Variants in CPVL observed in about 807,000 individuals in gnomAD.
CPVL encodes the protein probable serine carboxypeptidase CPVL.
CPVL carries 51 observed loss-of-function variants against 63.7 expected under a neutral mutation model. The observed-to-expected ratio is 0.80, with a 90% CI of 0.64 to 1.01. The LOEUF is 1.01. CPVL is among the 50% of genes least tolerant of loss of function. The probability of loss-of-function intolerance (pLI) is 0.00; values close to 1 mark genes in which losing one functional copy is unlikely to be tolerated. For synonymous variants in CPVL, 195 were observed against 206.0 expected (o/e 0.95, Z 0.46); for missense variants, 530 against 573.1 (o/e 0.92, Z 0.77).
intron 5 of CPVL, among the ~76,000 whole-genome samples, chr7:29,174,848 CAAAACTCCATCTAAAAAAAAA>C (rs747715796): frequency 9.8e-5 from 11 of 112,100 alleles, no homozygotes; most frequent in Non-Finnish European, 1.3e-4. Context: ...CAAAAAAGAG[CAAAACTCCATCTAAAAAAAAA>C]AAAAAAAGAA....
intron 12 of CPVL, among the ~76,000 whole-genome samples, chr7:29,003,747 T>G (rs1719570): frequency 0.84 from 127,670 of 152,066 alleles, 54,298 homozygotes; most frequent in African/African-American, 0.95. Flanking sequence ...CCATGCACAG[T>G]GTTGGGGAGT....
chr7:29,163,679 C>T (rs1795507362), intron 5 of CPVL, among the ~76,000 whole-genome samples: 1 of 152,114 alleles, frequency 6.6e-6, no homozygotes, highest in South Asian at 2.1e-4. Context: ...TCTCATTGCC[C>T]CCAAAAGTTT....
At chr7:29,106,322 G>A (rs1480941541) in intron 3 of CPVL, among the ~76,000 whole-genome samples, 1 of 152,114 alleles carries the variant, frequency 6.6e-6, no homozygotes, top group Non-Finnish European at 1.5e-5. Context: ...TCACCGGCAA[G>A]GCCTAGGGTA....
At position 29,069,710 on chromosome 7, in the gene CPVL, T is replaced by C. The variant is rs181817191; in HGVS notation, c.864+2063A>G. On this transcript the variant is annotated intron_variant, in intron 9 of 12. Transcript: ENST00000265394. ...CTCAGCCTGCCACAATCTATTTGTG[T>C]ATCCTTCGGCAATTCATTGCTATCC... 3.8e-3 allele frequency among the ~76,000 whole-genome samples: 584 copies of C among 152,100 alleles called. 4 individuals carry two copies. Among genetic ancestry groups the C allele is most frequent in the African/African-American group, 0.013 (555 of 41,488 alleles).
At chr7:29,017,385 G>A (rs772494530) in intron 12 of CPVL, among the ~76,000 whole-genome samples, 12 of 152,234 alleles carry the variant, frequency 7.9e-5, no homozygotes, top group Non-Finnish European at 1.8e-4. Context: ...TGTAATCCCA[G>A]CACTTTGGGA....
At chr7:29,100,571 C>T (rs1370349856) in intron 3 of CPVL, among the ~76,000 whole-genome samples, 1 of 152,180 alleles carries the variant, frequency 6.6e-6, no homozygotes, top group African/African-American at 2.4e-5. Context: ...ATGAACCGGA[C>T]CTCTGGACTC....
chr7:29,153,717 G>A (rs1300791238), intron 5 of CPVL, among the ~76,000 whole-genome samples: 2 of 152,034 alleles, frequency 1.3e-5, no homozygotes, highest in Non-Finnish European at 2.9e-5. Context: ...TTACAGGTGT[G>A]TGCCACCACA....
At chr7:29,174,330 T>TG (rs1183241695) in intron 5 of CPVL, among the ~76,000 whole-genome samples, 1 of 152,130 alleles carries the variant, frequency 6.6e-6, no homozygotes, top group Non-Finnish European at 1.5e-5. Context: ...TATCTGCTTC[T>TG]GGGGAAAGGA....
intron 1 of CPVL, among the ~76,000 whole-genome samples, chr7:29,121,595 C>A (rs12667840): frequency 6.6e-6 from 1 of 152,260 alleles, no homozygotes; most frequent in South Asian, 2.1e-4. Flanking sequence ...GGATTGAAAG[C>A]ACATTTCAGG....
chr7:29,037,972 T>C (rs1004712890), intron 11 of CPVL, among the ~76,000 whole-genome samples: 10 of 152,016 alleles, frequency 6.6e-5, no homozygotes, highest in African/African-American at 2.2e-4. Context: ...ACCTAAAGAT[T>C]TCCTATAACT....
upstream of CPVL, chr7:29,146,569 C>T: frequency 4.5e-6 from 7 of 1,539,146 alleles, no homozygotes; most frequent in Non-Finnish European, 6.1e-6. Flanking sequence ...CCTTTAAGCG[C>T]TCCTCTAGGC....
At chr7:29,089,542 G>T (rs1193227530) in intron 6 of CPVL, among the ~76,000 whole-genome samples, 3 of 152,134 alleles carry the variant, frequency 2.0e-5, no homozygotes, top group African/African-American at 7.2e-5. Context: ...GACAGGGCCT[G>T]GGCGGAAGCA....
At chr7:29,146,545 C>A (rs2128680887), upstream of CPVL, 2 of 1,524,564 alleles carry the variant, frequency 1.3e-6, no homozygotes, top group South Asian at 1.3e-5. Flanking sequence ...CACGAGGACC[C>A]TGCAGAACTC....
At chr7:29,049,762 C>A (rs1320751152) in intron 11 of CPVL, among the ~76,000 whole-genome samples, 1 of 152,044 alleles carries the variant, frequency 6.6e-6, no homozygotes, top group Non-Finnish European at 1.5e-5. Flanking sequence ...CACTAAAATC[C>A]TTAACAAAAT....
At chr7:29,018,376 ATC>A (rs942619415) in intron 12 of CPVL, among the ~76,000 whole-genome samples, 7 of 120,316 alleles carry the variant, frequency 5.8e-5, no homozygotes, top group African/African-American at 2.6e-4. Context: ...AAAATTTTTA[ATC>A]TTTTTTTTTT....
chr7:29,006,842 C>T (rs516767), intron 12 of CPVL, among the ~76,000 whole-genome samples: 21,498 of 152,190 alleles, frequency 0.14, 1,583 homozygotes, highest in Middle Eastern at 0.23. Context: ...TAATTGACAA[C>T]GTAGCACTAT....
intron 5 of CPVL, among the ~76,000 whole-genome samples, chr7:29,169,709 A>G (rs1562805359): frequency 1.3e-5 from 2 of 151,952 alleles, no homozygotes; most frequent in Non-Finnish European, 2.9e-5. Context: ...TGCTTGACAC[A>G]TTTGATCCAG....
chr7:29,169,860 A>G (rs1796373679), intron 5 of CPVL, among the ~76,000 whole-genome samples: 1 of 140,610 alleles, frequency 7.1e-6, no homozygotes, highest in Non-Finnish European at 1.5e-5. Flanking sequence ...AAGTATATAT[A>G]CGTGTGTGTG....
chr7:29,075,437 C>G (rs1458445660), intron 7 of CPVL, among the ~76,000 whole-genome samples: 2 of 149,330 alleles, frequency 1.3e-5, no homozygotes, highest in East Asian at 4.0e-4. Flanking sequence ...TCTACCCTGG[C>G]TTGGCTGTCT....
Sources: gnomAD v4.1 joint callset for allele counts (sites outside exome capture counted in the v4.1 genomes callset) on GRCh38, gnomAD v4.1.1 for gene constraint, MANE v1.5 for transcripts, NCBI Gene and HGNC (gene_info 2026-07-23, HGNC 2026-07-21) for gene names.